Variants in NDRG3 observed in about 807,000 individuals in gnomAD.
NDRG3 encodes the protein NDRG family member 3, also known as protein NDRG3.
Under a neutral mutation model 57.2 loss-of-function variants are expected in NDRG3, and 23 were observed. The observed-to-expected ratio is 0.40, with a 90% CI of 0.29 to 0.57. The LOEUF is 0.57. Ranked by LOEUF, NDRG3 falls within the 20% of genes least tolerant of loss-of-function variation. The probability of loss-of-function intolerance (pLI) is 0.42; values close to 1 mark genes in which losing one functional copy is unlikely to be tolerated. For synonymous variants in NDRG3, 132 were observed against 162.6 expected, an observed-to-expected ratio of 0.81 and a Z score of 1.43; for missense variants, 384 against 457.3, an observed-to-expected ratio of 0.84 and a Z score of 1.46.
At chr20:36,735,223 A>G (rs530269253) in intron 1 of NDRG3, among the ~76,000 whole-genome samples, 2 of 152,286 alleles carry the variant, frequency 1.3e-5, no homozygotes, top group Non-Finnish European at 2.9e-5. Context: ...GAGCATCTCT[A>G]ATCTGAAAAT....
chr20:36,666,495 A>C, intron 9 of NDRG3, 103 bp from the exon 10 acceptor site: 1 of 802,204 alleles, frequency 1.2e-6, no homozygotes, highest in South Asian at 1.5e-5. Context: ...CGTGCGGCTC[A>C]TGATGGGAAC....
intron 8 of NDRG3, among the ~76,000 whole-genome samples, chr20:36,672,729 T>C (rs1262071063): frequency 6.6e-6 from 1 of 151,218 alleles, no homozygotes; most frequent in African/African-American, 2.4e-5. Context: ...CTCAAAAGGC[T>C]GAGGCAGGAG....
chr20:36,724,525 A>G (rs1177039430), intron 1 of NDRG3, among the ~76,000 whole-genome samples: 1 of 152,236 alleles, frequency 6.6e-6, no homozygotes, highest in Non-Finnish European at 1.5e-5. Flanking sequence ...CTCTTAAAAT[A>G]TTGGCCTAAC....
At chr20:36,682,843 G>A (rs111586975) in intron 6 of NDRG3, among the ~76,000 whole-genome samples, 4,390 of 149,750 alleles carry the variant, frequency 0.029, 102 homozygotes, top group Non-Finnish European at 0.043. Context: ...CGAGGTCGGC[G>A]GATCACGAGG....
intron 3 of NDRG3, among the ~76,000 whole-genome samples, chr20:36,691,443 G>A (rs954332623): frequency 1.3e-5 from 2 of 152,212 alleles, no homozygotes; most frequent in African/African-American, 4.8e-5. Flanking sequence ...GCCAGGCGCG[G>A]TGGCTCATGC....
intron 10 of NDRG3, 84 bp from the exon 11 acceptor site, chr20:36,665,385 T>G: frequency 1.7e-6 from 2 of 1,207,728 alleles, no homozygotes; most frequent in South Asian, 1.2e-5. Context: ...ACACCAAAAT[T>G]TATCAAGGAA....
At chr20:36,742,043 C>A (rs554238876) in intron 1 of NDRG3, among the ~76,000 whole-genome samples, 15 of 152,322 alleles carry the variant, frequency 9.8e-5, no homozygotes, top group Non-Finnish European at 2.1e-4. Context: ...CCCTATCCAC[C>A]TGTCAAAGCC....
chr20:36,655,408 T>G (rs1242698921), intron 15 of NDRG3, among the ~76,000 whole-genome samples: 1 of 152,208 alleles, frequency 6.6e-6, no homozygotes, highest in Non-Finnish European at 1.5e-5. Context: ...TTCTAAAAAC[T>G]CCAAGAAAGG....
intron 2 of NDRG3, among the ~76,000 whole-genome samples, chr20:36,710,445 GA>G (rs778683972): frequency 7.2e-5 from 11 of 151,992 alleles, no homozygotes; most frequent in Non-Finnish European, 1.3e-4. Context: ...TTCCCTTTCT[GA>G]AATTAGAAAA....
intron 1 of NDRG3, among the ~76,000 whole-genome samples, chr20:36,742,694 T>C (rs1024874410): frequency 6.6e-6 from 1 of 152,194 alleles, no homozygotes; most frequent in African/African-American, 2.4e-5. Context: ...GTAACATTAA[T>C]ATGGGAATGT....
chr20:36,658,481 T>C (rs1023157701), intron 13 of NDRG3, among the ~76,000 whole-genome samples: 2 of 152,220 alleles, frequency 1.3e-5, no homozygotes, highest in Non-Finnish European at 2.9e-5. Flanking sequence ...TGTGGTCACC[T>C]CAGAGCATTA....
At chr20:36,700,508 T>C (rs1983151211) in intron 3 of NDRG3, 1 of 531,708 alleles carries the variant, frequency 1.9e-6, no homozygotes, top group Non-Finnish European at 3.9e-6. Flanking sequence ...CATCTGAAGA[T>C]GAATGTGCAG....
At chr20:36,705,910 A>C (rs1983525797) in intron 3 of NDRG3, among the ~76,000 whole-genome samples, 1 of 151,850 alleles carries the variant, frequency 6.6e-6, no homozygotes, top group East Asian at 1.9e-4. Context: ...ACGTCCAGCT[A>C]ATTTTTGTAT....
intron 1 of NDRG3, among the ~76,000 whole-genome samples, chr20:36,728,702 C>G (rs376383580): frequency 1.3e-5 from 2 of 152,058 alleles, no homozygotes; most frequent in East Asian, 3.9e-4. Context: ...ACATCTGGTT[C>G]AAGGCATTTT....
At chr20:36,723,608 A>T (rs1378901170) in intron 1 of NDRG3, among the ~76,000 whole-genome samples, 1 of 151,452 alleles carries the variant, frequency 6.6e-6, no homozygotes, top group Non-Finnish European at 1.5e-5. Context: ...AAGGAGAAGC[A>T]ATTATGTCTG....
intron 2 of NDRG3, among the ~76,000 whole-genome samples, chr20:36,713,339 A>G (rs887947217): frequency 6.6e-6 from 1 of 152,212 alleles, no homozygotes; most frequent in African/African-American, 2.4e-5. Flanking sequence ...AAGCAACCCA[A>G]GAAGGTAAAT....
rs753862507 is a variant in NDRG3, at chr20:36,687,554, G to C, written c.258C>G (p.His86Gln). The C allele has an allele frequency of 3.1e-6, 5 of 1,614,132 alleles. No individual in the cohort carries two copies. Among genetic ancestry groups the C allele is most frequent in the Non-Finnish European group, 4.2e-6 (5 of 1,180,010 alleles). ...GGGCATCCACATGACAGACAGCAAA[G>C]TGCTGGGTGATCTCTTGCATATCCT... ...NFEDMQEITQ[H>Q]FAVCHVDAPG... The change falls in exon 5 of 16, where the codon CAC becomes CAG. Residue 86 changes from histidine (H) to glutamine (Q), a missense_variant. By Grantham distance (24) the His-to-Gln change is conservative. Coordinates refer to ENST00000349004, the MANE Select transcript of NDRG3 (RefSeq NM_032013.4).
Position 36,672,149 on chromosome 20 carries a change from G to A in NDRG3, c.532-752C>T, listed in dbSNP as rs898548809. Among the ~76,000 whole-genome samples the A allele has an allele frequency of 5.3e-5, 8 of 152,106 alleles. No homozygotes were observed. In the East Asian group the frequency reaches 1.5e-3, roughly 29 times the overall value. On this transcript the variant is annotated intron_variant, in intron 8 of 15. Coordinates refer to ENST00000349004, the MANE Select transcript of NDRG3 (RefSeq NM_032013.4). ...CCAGTTTTTGCTATCTTCATTTCAGGGAGTGGGAGGAAATGAGTTGTTTAC... is the reference window on the plus strand; with the variant it reads ...CCAGTTTTTGCTATCTTCATTTCAGAGAGTGGGAGGAAATGAGTTGTTTAC...
chr20:36,672,312 T>C, intron 8 of NDRG3, among the ~76,000 whole-genome samples: 1 of 152,214 alleles, frequency 6.6e-6, no homozygotes, highest in East Asian at 1.9e-4. Context: ...CCAACTCAAA[T>C]TATGTTGCTG....
Sources: allele counts gnomAD v4.1 joint callset (sites outside exome capture counted in the v4.1 genomes callset), GRCh38; gene constraint gnomAD v4.1.1; transcripts MANE v1.5; gene names NCBI Gene and HGNC (gene_info 2026-07-23, HGNC 2026-07-21).